COL18A1: variants seen among roughly 807,000 people sequenced by gnomAD.
COL18A1 encodes the protein collagen type XVIII alpha 1 chain.
In COL18A1, 133 loss-of-function variants were observed where a neutral mutation model predicts 168.0. The observed-to-expected ratio is 0.79, with a 90% CI of 0.69 to 0.91. The LOEUF (loss-of-function observed/expected upper bound fraction) is 0.91. Ranked by LOEUF, COL18A1 falls within the 40% of genes least tolerant of loss-of-function variation. The pLI, the probability that COL18A1 is intolerant of heterozygous loss-of-function variation, is 0.00. For missense variants in COL18A1, 2,126 were observed against 1,925.4 expected (o/e 1.10, Z -1.95); for synonymous variants, 949 against 809.0 (o/e 1.17, Z -2.94).
At position 45,479,764 on chromosome 21, in the gene COL18A1, G is replaced by C. The variant is rs9979601; in HGVS notation, c.1249-138G>C. On this transcript the variant is annotated intron_variant, in intron 9 of 41. Transcript: ENST00000651438. ...ACAGTCTGCTGGGCCTGGCGCCCTC[G>C]TACTTTCCGGGCCCCAGAGACTCCC... 281,073 of 1,255,864 alleles carry C rather than the reference G, an allele frequency of 0.22. 32,430 individuals carry two copies. Among genetic ancestry groups the C allele is most frequent in the Middle Eastern group, 0.26 (946 of 3,688 alleles). 77.8% of individuals were successfully genotyped at this position (1,255,864 alleles called of 1,614,324 possible). A position where few individuals can be genotyped will look rare whatever the true frequency, so the allele number is the denominator to read the frequency against.
chr21:45,422,395 G>A (rs1362933778), intron 2 of COL18A1: 2 of 502,204 alleles, frequency 4.0e-6, no homozygotes, highest in African/African-American at 3.9e-5. Context: ...CTCGCCTGTG[G>A]GCACTGAGGG....
At chr21:45,440,333 C>T (rs2034334591) in intron 2 of COL18A1, among the ~76,000 whole-genome samples, 1 of 152,238 alleles carries the variant, frequency 6.6e-6, no homozygotes, top group South Asian at 2.1e-4. Flanking sequence ...TCCAGAGCTG[C>T]CCCTTGCTGT....
intron 18 of COL18A1, 41 bp downstream of exon 18, chr21:45,488,485 T>G: frequency 6.2e-7 from 1 of 1,613,602 alleles, no homozygotes; most frequent in East Asian, 2.2e-5. Flanking sequence ...GTTGCTGGCT[T>G]GGCCCTGTCT....
chr21:45,495,025 C>A, intron 28 of COL18A1, 110 bp downstream of exon 28: 1 of 948,772 alleles, frequency 1.1e-6, no homozygotes, highest in Non-Finnish European at 1.6e-6. Context: ...GCCGCCGCAC[C>A]CACTGTCCTC....
intron 2 of COL18A1, among the ~76,000 whole-genome samples, chr21:45,451,044 C>T (rs1000332834): frequency 2.4e-4 from 36 of 152,236 alleles, no homozygotes; most frequent in Admixed American, 2.6e-4. Context: ...CTCTGCAGGA[C>T]GGCACCAGTG....
rs565799096 is a variant in COL18A1 at position 45,479,570 on chromosome 21, C to T, written c.1249-332C>T. On this transcript the variant is annotated intron_variant, in intron 9 of 41. Coordinates refer to ENST00000651438, the MANE Select transcript of COL18A1 (RefSeq NM_001379500.1). ...CACACATACATATCACACATGTACA[C>T]ACCACACTCCTCACACACACACCAT... 1.6e-4 allele frequency among the ~76,000 whole-genome samples: 24 copies of T among 151,660 alleles called. No homozygotes were observed. The East Asian group carries it at 4.7e-3, about 29-fold the overall frequency.
rs779369005 is a variant in COL18A1, at chr21:45,511,138, G to T, written c.3721G>T (p.Ala1241Ser). Residue 1241 changes from alanine to serine, a missense_variant, in exon 41 of 42, where the codon GCT (alanine) becomes TCT (serine). Coordinates refer to ENST00000651438, the MANE Select transcript of COL18A1 (RefSeq NM_001379500.1). Reference protein sequence around the residue: ...KDELLFPSWEALFSGSEGPLK... With the variant: ...KDELLFPSWESLFSGSEGPLK... ...CGAGCTGCTGTTTCCCAGCTGGGAG[G>T]CTCTGTTCTCAGGCTCTGAGGGTCC... 6.3e-7 allele frequency: 1 copy of T among 1,592,450 alleles called. No homozygotes were observed. The highest frequency in any genetic ancestry group is 8.6e-7 in the Non-Finnish European group (1 of 1,169,298).
chr21:45,476,544 T>TG, intron 6 of COL18A1, 64 bp downstream of exon 6: 16 of 1,534,534 alleles, frequency 1.0e-5, no homozygotes, highest in Middle Eastern at 1.7e-4. Context: ...TAACGTGTGT[T>TG]TGTGTGATGG....
intron 2 of COL18A1, among the ~76,000 whole-genome samples, chr21:45,435,679 G>A (rs947991251): frequency 2.0e-5 from 3 of 152,120 alleles, no homozygotes; most frequent in African/African-American, 4.8e-5. Context: ...TGGGGTAGAC[G>A]CTGGGTGGAT....
intron 5 of COL18A1, among the ~76,000 whole-genome samples, chr21:45,476,097 C>T (rs969951651): frequency 6.6e-6 from 1 of 151,660 alleles, no homozygotes; most frequent in Non-Finnish European, 1.5e-5. Context: ...CATGGCCTGT[C>T]GGGCGCCGGG....
Position 45,504,523 on chromosome 21 carries a change from C to T in COL18A1, c.2835C>T (p.Gly945=), listed in dbSNP as rs1568941013. 2 of 1,510,796 alleles carry T rather than the reference C, an allele frequency of 1.3e-6. No individual in the cohort carries two copies. The highest frequency in any genetic ancestry group is 1.2e-5 in the South Asian group (1 of 85,162). 93.6% of individuals were successfully genotyped at this position (1,510,796 alleles called of 1,614,324 possible). A position where few individuals can be genotyped will look rare whatever the true frequency, so the allele number is the denominator to read the frequency against. ...SSLPGPPGPP[G]PPGPRGYPGI... ...TGCCCGGCCCCCCCGGCCCCCCAGG[C>T]CCCCCAGGCCCACGTGGCTACCCTG... The change falls in exon 34 of 42, where the codon GGC becomes GGT. Residue 945 remains glycine, a synonymous_variant. Coordinates refer to ENST00000651438, the MANE Select transcript of COL18A1 (RefSeq NM_001379500.1).
intron 38 of COL18A1, among the ~76,000 whole-genome samples, chr21:45,508,748 A>G (rs1363441453): frequency 2.0e-5 from 3 of 152,072 alleles, no homozygotes; most frequent in African/African-American, 7.2e-5. Flanking sequence ...GCCAGTCAAT[A>G]GTCATGGCCC....
intron 6 of COL18A1, among the ~76,000 whole-genome samples, chr21:45,477,004 G>A (rs1463219691): frequency 2.6e-5 from 4 of 151,968 alleles, no homozygotes; most frequent in African/African-American, 9.7e-5. Flanking sequence ...CAGGCTCTGG[G>A]TGTTCACTGT....
intron 2 of COL18A1, among the ~76,000 whole-genome samples, chr21:45,451,662 G>A (rs1432203449): frequency 6.6e-6 from 1 of 152,226 alleles, no homozygotes; most frequent in Non-Finnish European, 1.5e-5. Context: ...CGCTCAGAGG[G>A]GAAGGCGGTG....
At chr21:45,467,570 C>G in intron 2 of COL18A1, 1 of 469,650 alleles carries the variant, frequency 2.1e-6, no homozygotes. Context: ...GGTGAAATCC[C>G]GCACCGTGTC....
At position 45,512,541 on chromosome 21, in the gene COL18A1, A is replaced by C. The variant is rs1364643427; in HGVS notation, c.*143A>C. On this transcript the variant is annotated 3_prime_UTR_variant, in exon 42 of 42. Coordinates refer to ENST00000651438, the MANE Select transcript of COL18A1 (RefSeq NM_001379500.1). ...ATAGTTCACGTTTCATGTAATCCTC[A>C]AGAAATAAAAGGAAGCCAAAGAGTG... is the stretch of plus-strand genomic sequence containing the variant. The C allele has an allele frequency of 1.4e-6, 1 of 737,440 alleles. No individual in the cohort carries two copies. The highest frequency in any genetic ancestry group is 2.2e-6 in the Non-Finnish European group (1 of 446,204). 45.7% of individuals were successfully genotyped at this position (737,440 alleles called of 1,614,324 possible).
intron 15 of COL18A1, among the ~76,000 whole-genome samples, chr21:45,484,700 C>G (rs1457001132): frequency 1.3e-5 from 2 of 151,406 alleles, no homozygotes; most frequent in African/African-American, 4.9e-5. Context: ...CCACGTTTTT[C>G]TAGCACACAT....
chr21:45,450,374 C>G (rs2034594262), intron 2 of COL18A1, among the ~76,000 whole-genome samples: 1 of 152,128 alleles, frequency 6.6e-6, no homozygotes, highest in Non-Finnish European at 1.5e-5. Context: ...GGAGAGGCAG[C>G]CCAGAGCCAC....
At chr21:45,414,612 A>G (rs2033390197) in intron 2 of COL18A1, among the ~76,000 whole-genome samples, 1 of 152,150 alleles carries the variant, frequency 6.6e-6, no homozygotes, top group South Asian at 2.1e-4. Flanking sequence ...GCTGATGGCC[A>G]TGCTCCGGGC....
Sources: gnomAD v4.1 joint callset for allele counts (sites outside exome capture counted in the v4.1 genomes callset) on GRCh38, gnomAD v4.1.1 for gene constraint, MANE v1.5 for transcripts, NCBI Gene and HGNC (gene_info 2026-07-23, HGNC 2026-07-21) for gene names.